TRAIP: variants seen among roughly 807,000 people sequenced by gnomAD.
The protein encoded by TRAIP is E3 ubiquitin-protein ligase TRAIP.
Under a neutral mutation model 65.0 loss-of-function variants are expected in TRAIP, and 37 were observed. That is an observed-to-expected ratio of 0.57 (90% CI 0.44 to 0.75). The LOEUF (loss-of-function observed/expected upper bound fraction) is 0.75, where lower values mean the gene tolerates loss of function less well. Ranked by LOEUF, TRAIP falls within the 30% of genes least tolerant of loss-of-function variation. The pLI, the probability that TRAIP is intolerant of heterozygous loss-of-function variation, is 0.00. For missense variants in TRAIP, 481 were observed against 579.4 expected (o/e 0.83, Z 1.74); for synonymous variants, 187 against 219.1 (o/e 0.85, Z 1.29).
intron 9 of TRAIP, 63 bp downstream of exon 9, chr3:49,840,221 G>A: frequency 6.9e-7 from 1 of 1,446,396 alleles, no homozygotes; most frequent in East Asian, 2.3e-5. Context: ...AGATAGCCCA[G>A]CCCTGCTCTG....
intron 7 of TRAIP, 135 bp downstream of exon 7, chr3:49,841,691 G>C (rs1047963583): frequency 1.5e-6 from 1 of 658,516 alleles, no homozygotes; most frequent in African/African-American, 1.8e-5. Flanking sequence ...GTGGAATCAG[G>C]GTTCAAACAA....
Position 49,839,761 on chromosome 3 carries a change from G to C in TRAIP, c.884+11C>G. The C allele has an allele frequency of 6.2e-7, 1 of 1,613,444 alleles. No individual in the cohort carries two copies. The highest frequency in any genetic ancestry group is 1.1e-5 in the South Asian group (1 of 91,064). Reference sequence around the variant, plus strand: ...CCTTGTGACCCCTGTACCGCCCAAGGCTCAACAAACCTCTCTAAAACCAGG... The same window carrying C: ...CCTTGTGACCCCTGTACCGCCCAAGCCTCAACAAACCTCTCTAAAACCAGG... On this transcript the variant is annotated intron_variant, in intron 10 of 14. Coordinates refer to ENST00000331456, the MANE Select transcript of TRAIP (RefSeq NM_005879.3).
At chr3:49,839,077 T>C (rs1476616979) in intron 10 of TRAIP, among the ~76,000 whole-genome samples, 1 of 151,322 alleles carries the variant, frequency 6.6e-6, no homozygotes, top group African/African-American at 2.4e-5. Flanking sequence ...TAATCCCAGC[T>C]ACTCAGGAGG....
rs61557789 is a variant in TRAIP at position 49,833,768 on chromosome 3, C to A, written c.885-1700G>T. On this transcript the variant is annotated intron_variant, in intron 10 of 14. Transcript: ENST00000331456. ...TGCTGGTATTACAGGCATGAGCCACCGCGCCCGGCCTTGTCTTAGACTGTT... is the reference window on the plus strand; with the variant it reads ...TGCTGGTATTACAGGCATGAGCCACAGCGCCCGGCCTTGTCTTAGACTGTT... Among the ~76,000 whole-genome samples, 179 of 152,142 alleles carry A rather than the reference C, an allele frequency of 1.2e-3. 1 individual carries two copies. The highest frequency in any genetic ancestry group is 4.2e-3 in the African/African-American group (175 of 41,490).
intron 1 of TRAIP, among the ~76,000 whole-genome samples, chr3:49,854,113 G>A (rs61435065): frequency 0.018 from 2,734 of 152,276 alleles, 96 homozygotes; most frequent in African/African-American, 0.063. Context: ...GATCACTTGA[G>A]TACAGGAGTT....
intron 3 of TRAIP, among the ~76,000 whole-genome samples, chr3:49,845,136 T>C (rs1166669548): frequency 6.6e-6 from 1 of 152,208 alleles, no homozygotes; most frequent in African/African-American, 2.4e-5. Flanking sequence ...TTTGTACCCC[T>C]GGATGAAACC....
intron 9 of TRAIP, 142 bp downstream of exon 9, chr3:49,840,142 G>A (rs1460105955): frequency 1.3e-6 from 1 of 792,014 alleles, no homozygotes. Flanking sequence ...AGGGCCAAGG[G>A]GCACACCCTG....
Position 49,856,379 on chromosome 3 carries a change from G to A in TRAIP, c.75C>T (p.Cys25=). 6.2e-7 allele frequency: 1 copy of A among 1,614,052 alleles called. No individual in the cohort carries two copies. Among genetic ancestry groups the A allele is most frequent in the Non-Finnish European group, 8.5e-7 (1 of 1,179,972 alleles). ...ACCACTGCAAGTGGAAGGTGTGGCCGCAGTGGATGGCGGCCACGTCGCGGG... is the reference window on the plus strand; with the variant it reads ...ACCACTGCAAGTGGAAGGTGTGGCCACAGTGGATGGCGGCCACGTCGCGGG... ...DHSRDVAAIH[C]GHTFHLQCLI... The change falls in exon 1 of 15, where the codon TGC becomes TGT. Residue 25 remains cysteine (C), a synonymous_variant. Coordinates refer to ENST00000331456, the MANE Select transcript of TRAIP (RefSeq NM_005879.3).
At chr3:49,849,300 G>C (rs1003917997) in intron 1 of TRAIP, among the ~76,000 whole-genome samples, 1 of 151,408 alleles carries the variant, frequency 6.6e-6, no homozygotes, top group Admixed American at 6.6e-5. Flanking sequence ...ATAAGCCACT[G>C]TGCCCAATCA....
intron 11 of TRAIP, 103 bp downstream of exon 11, chr3:49,831,813 T>C: frequency 7.5e-7 from 1 of 1,338,914 alleles, no homozygotes; most frequent in South Asian, 1.9e-5. Flanking sequence ...TAGGCAACCC[T>C]CACTGCCCCA....
rs751394626 is a variant in TRAIP at position 49,839,869 on chromosome 3, G to A, written c.796-9C>T. On this transcript the variant is annotated splice_polypyrimidine_tract_variant and intron_variant, in intron 9 of 14. Transcript: ENST00000331456. ...AGCTTCTTTTTCAGGCTCTTGGGGA[G>A]GGAAAGAAAAGTGTGTGAGAGAAAG... is the stretch of plus-strand genomic sequence containing the variant. The A allele has an allele frequency of 4.3e-5, 69 of 1,613,934 alleles. No homozygotes were observed. The highest frequency in any genetic ancestry group is 1.3e-5 in the African/African-American group (1 of 74,940).
intron 10 of TRAIP, among the ~76,000 whole-genome samples, chr3:49,835,862 C>T (rs912335258): frequency 4.7e-5 from 7 of 148,096 alleles, no homozygotes; most frequent in Non-Finnish European, 8.9e-5. Context: ...TAGCGTGAAC[C>T]GGGGAGGCGG....
chr3:49,850,482 T>C (rs1182091293), intron 1 of TRAIP, among the ~76,000 whole-genome samples: 1 of 143,070 alleles, frequency 7.0e-6, no homozygotes, highest in Non-Finnish European at 1.5e-5. Flanking sequence ...GTGAGGGACA[T>C]AGTGAGACTC....
At chr3:49,852,560 C>G (rs564344289) in intron 1 of TRAIP, among the ~76,000 whole-genome samples, 45 of 151,280 alleles carry the variant, frequency 3.0e-4, no homozygotes, top group Non-Finnish European at 6.3e-4. Context: ...TCAAGACCAT[C>G]CTGACTAACA....
intron 10 of TRAIP, among the ~76,000 whole-genome samples, chr3:49,832,952 T>C (rs1303367488): frequency 1.3e-5 from 2 of 152,172 alleles, no homozygotes; most frequent in African/African-American, 4.8e-5. Context: ...CCTACCTGCA[T>C]TGATTTGGGT....
At chr3:49,848,234 C>T (rs2081902445) in intron 1 of TRAIP, 34 bp from the exon 2 acceptor site, 2 of 1,611,766 alleles carry the variant, frequency 1.2e-6, no homozygotes, top group Admixed American at 1.7e-5. Context: ...GACTGATGAG[C>T]CCTGGTTTGT....
At chr3:49,841,117 AG>A in intron 7 of TRAIP, 45 bp from the exon 8 acceptor site, 1 of 1,523,670 alleles carries the variant, frequency 6.6e-7, no homozygotes, top group Non-Finnish European at 9.1e-7. Flanking sequence ...GAACACCTGC[AG>A]GTCAGACTGA....
At position 49,829,038 on chromosome 3, in the gene TRAIP, G is replaced by T. The variant is rs2081707782; in HGVS notation, c.*65C>A. On this transcript the variant is annotated 3_prime_UTR_variant, in exon 15 of 15. Coordinates refer to ENST00000331456, the MANE Select transcript of TRAIP (RefSeq NM_005879.3). ...GTGGGGCTCTGTCCACAAAACCCCTGCCTGGACAGTCCTTGACCTACAAGT... is the reference window on the plus strand; with the variant it reads ...GTGGGGCTCTGTCCACAAAACCCCTTCCTGGACAGTCCTTGACCTACAAGT... 6.2e-7 allele frequency: 1 copy of T among 1,611,182 alleles called. No individual in the cohort carries two copies.
At chr3:49,848,040 C>A in intron 2 of TRAIP, 103 bp downstream of exon 2, 1 of 1,372,382 alleles carries the variant, frequency 7.3e-7, no homozygotes, top group Admixed American at 1.9e-5. Context: ...CAGGAGGGTC[C>A]AAAAAAGGTC....
Sources: allele counts gnomAD v4.1 joint callset (sites outside exome capture counted in the v4.1 genomes callset), GRCh38; gene constraint gnomAD v4.1.1; transcripts MANE v1.5; gene names NCBI Gene and HGNC (gene_info 2026-07-23, HGNC 2026-07-21).